Variants in EXOC6B observed in about 807,000 individuals in gnomAD.
EXOC6B encodes SEC15 homolog B.
In EXOC6B, 54 loss-of-function variants were observed where a neutral mutation model predicts 113.5. That is an observed-to-expected ratio of 0.48 (90% CI 0.38 to 0.60). EXOC6B has a LOEUF of 0.60. Ranked by LOEUF, EXOC6B falls within the 20% of genes least tolerant of loss-of-function variation. The pLI is 0.00. For synonymous variants in EXOC6B, 357 were observed against 339.0 expected, an observed-to-expected ratio of 1.05 and a Z score of -0.58; for missense variants, 797 against 977.5, an observed-to-expected ratio of 0.82 and a Z score of 2.46.
intron 15 of EXOC6B, 106 bp from the exon 16 acceptor site, chr2:72,492,535 A>G (rs1177166217): frequency 2.3e-5 from 14 of 620,650 alleles, no homozygotes; most frequent in Non-Finnish European, 3.8e-5. Context: ...TAATAATAGC[A>G]GCAGCAAATA....
At chr2:72,351,167 C>T (rs1282029668) in intron 19 of EXOC6B, among the ~76,000 whole-genome samples, 1 of 152,052 alleles carries the variant, frequency 6.6e-6, no homozygotes, top group African/African-American at 2.4e-5. Context: ...CAGAAAGGTA[C>T]ATCATTCAGA....
At chr2:72,254,498 T>C (rs1683229456) in intron 20 of EXOC6B, among the ~76,000 whole-genome samples, 1 of 152,206 alleles carries the variant, frequency 6.6e-6, no homozygotes, top group South Asian at 2.1e-4. Flanking sequence ...AAATTTCTTT[T>C]GTTTTAAGCC....
At chr2:72,699,201 C>T (rs551896363) in intron 6 of EXOC6B, among the ~76,000 whole-genome samples, 2 of 152,246 alleles carry the variant, frequency 1.3e-5, no homozygotes, top group Non-Finnish European at 2.9e-5. Context: ...CAAACATGGC[C>T]GGGCGCGGTG....
rs573976712 is a variant in EXOC6B, at chr2:72,510,887, A to T, written c.1167+2245T>A. Reference sequence around the variant, plus strand: ...TTAATCATACTATAAATGAGAGTAAACAACAGGTGGTTGTAAACATATAAA... The same window carrying T: ...TTAATCATACTATAAATGAGAGTAATCAACAGGTGGTTGTAAACATATAAA... On this transcript the variant is annotated intron_variant, in intron 11 of 21. Transcript: ENST00000272427. 8.5e-5 allele frequency among the ~76,000 whole-genome samples: 13 copies of T among 152,174 alleles called. No individual in the cohort carries two copies. In the East Asian group the frequency reaches 1.3e-3, roughly 16 times the overall value.
chr2:72,682,946 AT>A (rs1676818639), intron 6 of EXOC6B, among the ~76,000 whole-genome samples: 1 of 152,192 alleles, frequency 6.6e-6, no homozygotes, highest in African/African-American at 2.4e-5. Context: ...GTGGAACAAC[AT>A]TTAAAAGCCA....
intron 1 of EXOC6B, among the ~76,000 whole-genome samples, chr2:72,782,075 G>A (rs1684076321): frequency 6.6e-6 from 1 of 151,072 alleles, no homozygotes; most frequent in Non-Finnish European, 1.5e-5. Context: ...GGGAAACAGA[G>A]GTTGCACTGA....
intron 20 of EXOC6B, among the ~76,000 whole-genome samples, chr2:72,248,935 A>T (rs1193922410): frequency 6.6e-6 from 1 of 152,196 alleles, no homozygotes; most frequent in Non-Finnish European, 1.5e-5. Flanking sequence ...AAGAGAAAAT[A>T]CATCAAATTT....
chr2:72,577,566 T>A (rs972508716), intron 6 of EXOC6B, among the ~76,000 whole-genome samples: 18 of 140,702 alleles, frequency 1.3e-4, no homozygotes, highest in African/African-American at 5.0e-4. Context: ...ATATTGTCAG[T>A]GTTTCAAAAG....
chr2:72,652,914 G>A (rs1447863141), intron 6 of EXOC6B, among the ~76,000 whole-genome samples: 1 of 151,432 alleles, frequency 6.6e-6, no homozygotes, highest in Non-Finnish European at 1.5e-5. Context: ...GATAGGCTGA[G>A]GTGGGAAGAT....
chr2:72,798,485 G>A (rs1204323831), intron 1 of EXOC6B, among the ~76,000 whole-genome samples: 1 of 152,058 alleles, frequency 6.6e-6, no homozygotes, highest in Non-Finnish European at 1.5e-5. Context: ...TAACTATGTG[G>A]AGACTCAAAA....
chr2:72,368,669 A>G (rs1690798752), intron 19 of EXOC6B, among the ~76,000 whole-genome samples: 1 of 152,230 alleles, frequency 6.6e-6, no homozygotes, highest in Admixed American at 6.5e-5. Context: ...ATCTACCACA[A>G]TCAAGTGGGC....
intron 8 of EXOC6B, among the ~76,000 whole-genome samples, chr2:72,517,071 C>T (rs999155331): frequency 1.3e-5 from 2 of 152,094 alleles, no homozygotes; most frequent in African/African-American, 4.8e-5. Context: ...TGGAAAGACA[C>T]TAATGTAGCT....
intron 18 of EXOC6B, chr2:72,463,703 G>T (rs1283983571): frequency 3.9e-5 from 6 of 152,146 alleles, no homozygotes; most frequent in Non-Finnish European, 5.9e-5. Context: ...AAAGCAAGGA[G>T]ATTTCTCACA....
intron 19 of EXOC6B, among the ~76,000 whole-genome samples, chr2:72,335,547 T>TGC (rs1196519241): frequency 8.6e-5 from 9 of 104,724 alleles, no homozygotes; most frequent in African/African-American, 3.6e-4. Flanking sequence ...ACTGCATTAT[T>TGC]GCACACACAC....
chr2:72,601,406 C>G (rs940500016), intron 6 of EXOC6B, among the ~76,000 whole-genome samples: 2 of 152,072 alleles, frequency 1.3e-5, no homozygotes, highest in South Asian at 2.1e-4. Context: ...AGGATGGTCT[C>G]AATCTCCTGA....
chr2:72,698,145 T>G (rs1678024464), intron 6 of EXOC6B, among the ~76,000 whole-genome samples: 2 of 151,734 alleles, frequency 1.3e-5, no homozygotes, highest in African/African-American at 4.8e-5. Context: ...AGGGGAAGAT[T>G]GAAAAATAAA....
intron 6 of EXOC6B, among the ~76,000 whole-genome samples, chr2:72,707,475 G>A (rs1045943700): frequency 3.3e-5 from 5 of 150,602 alleles, no homozygotes; most frequent in Admixed American, 6.6e-5. Context: ...GTGCAGTGGT[G>A]TGATCTCAGC....
intron 19 of EXOC6B, among the ~76,000 whole-genome samples, chr2:72,357,950 T>C (rs1690069108): frequency 6.6e-6 from 1 of 152,066 alleles, no homozygotes; most frequent in Non-Finnish European, 1.5e-5. Flanking sequence ...TGAAACCACC[T>C]TACGAAGCAC....
At chr2:72,668,009 A>C (rs1675518705) in intron 6 of EXOC6B, among the ~76,000 whole-genome samples, 1 of 152,178 alleles carries the variant, frequency 6.6e-6, no homozygotes, top group Admixed American at 6.5e-5. Flanking sequence ...AATGAACTTA[A>C]ATCAACAACC....
Sources: allele counts gnomAD v4.1 joint callset (sites outside exome capture counted in the v4.1 genomes callset), GRCh38; gene constraint gnomAD v4.1.1; transcripts MANE v1.5; gene names NCBI Gene and HGNC (gene_info 2026-07-23, HGNC 2026-07-21).